NXPE2: variants seen among roughly 807,000 people sequenced by gnomAD.
The protein encoded by NXPE2 is neurexophilin and PC-esterase domain family member 2.
A neutral mutation model predicts 34.4 loss-of-function variants in NXPE2; 34 were observed. The observed-to-expected ratio is 0.99, with a 90% CI of 0.75 to 1.31. The LOEUF is 1.31. Ranked by LOEUF, NXPE2 falls within the 40% of genes most tolerant of loss-of-function variation. NXPE2 has a pLI of 0.00. For missense variants in NXPE2, 649 were observed against 672.5 expected (o/e 0.97, Z 0.39); for synonymous variants, 235 against 231.3 (o/e 1.02, Z -0.15).
chr11:114,769,375 A>C, the NXPE2 span, among the ~76,000 whole-genome samples: 1 of 152,244 alleles, frequency 6.6e-6, no homozygotes, highest in Non-Finnish European at 1.5e-5. Flanking sequence ...AATGTAAATT[A>C]GTTCAACCAT....
At chr11:114,804,347 G>C in the NXPE2 span, among the ~76,000 whole-genome samples, 1 of 152,168 alleles carries the variant, frequency 6.6e-6, no homozygotes, top group African/African-American at 2.4e-5. Context: ...AGGAAACTGT[G>C]TTATCATCTC....
chr11:114,509,052 A>C, the NXPE2 span, among the ~76,000 whole-genome samples: 1 of 152,210 alleles, frequency 6.6e-6, no homozygotes, highest in Non-Finnish European at 1.5e-5. Context: ...AACTTAAACA[A>C]ATTACAAGAA....
the NXPE2 span, among the ~76,000 whole-genome samples, chr11:114,613,761 TAA>T: frequency 2.6e-5 from 4 of 151,886 alleles, no homozygotes; most frequent in African/African-American, 9.7e-5. Context: ...CGGTGGATAA[TAA>T]GTGTTGCCTG....
At chr11:114,630,891 G>T in the NXPE2 span, among the ~76,000 whole-genome samples, 1 of 151,728 alleles carries the variant, frequency 6.6e-6, no homozygotes, top group Non-Finnish European at 1.5e-5. Flanking sequence ...CTTAAAAGAA[G>T]ACATTTATGC....
At chr11:114,653,817 C>T in the NXPE2 span, among the ~76,000 whole-genome samples, 6 of 151,870 alleles carry the variant, frequency 4.0e-5, no homozygotes, top group South Asian at 8.3e-4. Flanking sequence ...CGTGAGCCAC[C>T]GCGCCTGGCC....
At chr11:114,580,001 G>T in the NXPE2 span, 2 of 740,638 alleles carry the variant, frequency 2.7e-6, no homozygotes, top group Non-Finnish European at 4.6e-6. Context: ...ACAATGCCTT[G>T]TGAAAAATTT....
chr11:114,569,198 G>T, the NXPE2 span, among the ~76,000 whole-genome samples: 1 of 152,080 alleles, frequency 6.6e-6, no homozygotes, highest in Non-Finnish European at 1.5e-5. Context: ...ATGATGAAGG[G>T]TACAAAATTA....
the NXPE2 span, among the ~76,000 whole-genome samples, chr11:114,639,975 T>G: frequency 1.1e-4 from 9 of 79,080 alleles, no homozygotes; most frequent in African/African-American, 3.1e-4. Flanking sequence ...ATATTATATA[T>G]AATATAATAT....
the NXPE2 span, chr11:114,584,688 G>C: frequency 6.5e-6 from 1 of 154,380 alleles, no homozygotes; most frequent in Admixed American, 6.5e-5. Flanking sequence ...AGCAGGTCAA[G>C]CTGGCCTGAG....
chr11:114,647,705 A>T, the NXPE2 span, among the ~76,000 whole-genome samples: 20 of 147,544 alleles, frequency 1.4e-4, no homozygotes, highest in Non-Finnish European at 2.4e-4. Flanking sequence ...ATTTTATTTT[A>T]TTTTTTTTTT....
At chr11:114,577,161 C>CACATAT in the NXPE2 span, among the ~76,000 whole-genome samples, 1 of 134,568 alleles carries the variant, frequency 7.4e-6, no homozygotes, top group South Asian at 2.3e-4. Context: ...ATATATGTGT[C>CACATAT]ATATATATAT....
chr11:114,502,126 C>CATACA, the NXPE2 span, among the ~76,000 whole-genome samples: 1 of 152,164 alleles, frequency 6.6e-6, no homozygotes, highest in Non-Finnish European at 1.5e-5. Context: ...AACTGTGACA[C>CATACA]ATACAAGTGT....
chr11:114,650,898 G>A, the NXPE2 span, among the ~76,000 whole-genome samples: 1 of 152,020 alleles, frequency 6.6e-6, no homozygotes, highest in Non-Finnish European at 1.5e-5. Flanking sequence ...AGCTGCAGCT[G>A]GTGGAGGGGC....
the NXPE2 span, among the ~76,000 whole-genome samples, chr11:114,669,516 ACT>A: frequency 6.6e-6 from 1 of 151,826 alleles, no homozygotes; most frequent in Non-Finnish European, 1.5e-5. Flanking sequence ...GAAGTCCTGG[ACT>A]CTCTTTCTCT....
the NXPE2 span, among the ~76,000 whole-genome samples, chr11:114,567,403 G>A: frequency 1.3e-5 from 2 of 151,838 alleles, no homozygotes; most frequent in East Asian, 1.9e-4. Context: ...CTGCAGACCC[G>A]CTCTAGCCTG....
intron 2 of NXPE2, among the ~76,000 whole-genome samples, chr11:114,693,777 C>A (rs1313460777): frequency 6.6e-6 from 1 of 152,120 alleles, no homozygotes. Flanking sequence ...AGAAATCAGG[C>A]AAAACCCTGA....
At chr11:114,650,623 C>T in the NXPE2 span, among the ~76,000 whole-genome samples, 2 of 152,064 alleles carry the variant, frequency 1.3e-5, no homozygotes, top group African/African-American at 4.8e-5. Context: ...GACCTCTATC[C>T]CTAGGGAAGG....
chr11:114,558,276 C>A, the NXPE2 span, among the ~76,000 whole-genome samples: 1 of 152,006 alleles, frequency 6.6e-6, no homozygotes, highest in Non-Finnish European at 1.5e-5. Context: ...ATTTTCCAAA[C>A]AAATATCTGT....
At chr11:114,629,756 G>A in the NXPE2 span, among the ~76,000 whole-genome samples, 4 of 151,278 alleles carry the variant, frequency 2.6e-5, no homozygotes, top group Admixed American at 1.3e-4. Context: ...CGACATGATT[G>A]TATATCTAGA....
Sources: allele counts gnomAD v4.1 joint callset (sites outside exome capture counted in the v4.1 genomes callset), GRCh38; gene constraint gnomAD v4.1.1; transcripts MANE v1.5; gene names NCBI Gene and HGNC (gene_info 2026-07-23, HGNC 2026-07-21).